Variants in PGS1 observed in about 807,000 individuals in gnomAD.
The protein encoded by PGS1 is CDP-diacylglycerol--glycerol-3-phosphate 3-phosphatidyltransferase, mitochondrial.
A neutral mutation model predicts 58.3 loss-of-function variants in PGS1; 44 were observed. The ratio of observed to expected loss-of-function variants is 0.75; its 90% confidence interval spans 0.59 to 0.97. PGS1 has a LOEUF of 0.97. PGS1 is among the 50% of genes least tolerant of loss of function. PGS1 has a pLI of 0.00. For missense variants in PGS1, 684 were observed against 731.1 expected (o/e 0.94, Z 0.74); for synonymous variants, 330 against 311.0 (o/e 1.06, Z -0.64).
At chr17:78,398,884 A>G (rs1598305265) in intron 4 of PGS1, among the ~76,000 whole-genome samples, 1 of 152,124 alleles carries the variant, frequency 6.6e-6, no homozygotes, top group African/African-American at 2.4e-5. Flanking sequence ...GTCTGATTCC[A>G]TGAGAATCGG....
At chr17:78,391,148 A>G (rs1308188734) in intron 1 of PGS1, among the ~76,000 whole-genome samples, 2 of 152,084 alleles carry the variant, frequency 1.3e-5, no homozygotes, top group Non-Finnish European at 2.9e-5. Context: ...GGGTTTCACC[A>G]TGTTGGCTAG....
intron 3 of PGS1, 63 bp from the exon 4 acceptor site, chr17:78,398,189 T>A (rs2083388570): frequency 6.4e-6 from 8 of 1,259,168 alleles, no homozygotes; most frequent in Non-Finnish European, 9.3e-6. Flanking sequence ...GGCGATTTGT[T>A]TTTCTTTAAA....
intron 2 of PGS1, among the ~76,000 whole-genome samples, chr17:78,396,065 G>T: frequency 6.6e-6 from 1 of 152,228 alleles, no homozygotes. Flanking sequence ...TAATGGCCGT[G>T]TTGCATTTTA....
intron 1 of PGS1, among the ~76,000 whole-genome samples, chr17:78,390,364 G>GC (rs2082738052): frequency 6.6e-6 from 1 of 151,940 alleles, no homozygotes; most frequent in African/African-American, 2.4e-5. Flanking sequence ...GCACTGGGTG[G>GC]CCACGGCCAG....
chr17:78,423,896 C>T, intron 9 of PGS1, 165 bp from the exon 10 acceptor site: 1 of 1,613,518 alleles, frequency 6.2e-7, no homozygotes, highest in Non-Finnish European at 8.5e-7. Flanking sequence ...GGCTGTGAGG[C>T]AGGAGCGAGC....
chr17:78,389,034 G>A (rs531810212), intron 1 of PGS1, among the ~76,000 whole-genome samples: 15 of 149,086 alleles, frequency 1.0e-4, no homozygotes, highest in African/African-American at 3.7e-4. Flanking sequence ...TATGTGCCAA[G>A]GAGTGTTTCC....
chr17:78,399,601 A>AG, intron 5 of PGS1, 64 bp downstream of exon 5: 1 of 1,535,282 alleles, frequency 6.5e-7, no homozygotes, highest in Non-Finnish European at 9.0e-7. Flanking sequence ...GCAGTGGAAT[A>AG]GGAACAGTGG....
chr17:78,385,723 C>G (rs890378764), intron 1 of PGS1, among the ~76,000 whole-genome samples: 8 of 152,224 alleles, frequency 5.3e-5, no homozygotes, highest in Non-Finnish European at 1.2e-4. Flanking sequence ...TGCCCGGCCC[C>G]CGGGTTTCTT....
chr17:78,383,318 C>T (rs2082163979), intron 1 of PGS1, among the ~76,000 whole-genome samples: 1 of 151,994 alleles, frequency 6.6e-6, no homozygotes, highest in South Asian at 2.1e-4. Context: ...CCTCTGCCTC[C>T]TGGCTTCAAG....
intron 1 of PGS1, among the ~76,000 whole-genome samples, chr17:78,381,814 T>C (rs1369806268): frequency 1.3e-5 from 2 of 152,220 alleles, no homozygotes; most frequent in Non-Finnish European, 2.9e-5. Flanking sequence ...TTACTTCTGT[T>C]AATGATTTAG....
chr17:78,384,139 C>G (rs1237392974), intron 1 of PGS1, among the ~76,000 whole-genome samples: 1 of 152,208 alleles, frequency 6.6e-6, no homozygotes, highest in Non-Finnish European at 1.5e-5. Context: ...ATGTAATCGA[C>G]TTCCTTTTGG....
At chr17:78,395,611 T>A (rs2083173880) in intron 2 of PGS1, among the ~76,000 whole-genome samples, 2 of 152,186 alleles carry the variant, frequency 1.3e-5, no homozygotes, top group Non-Finnish European at 2.9e-5. Flanking sequence ...CCCTGGCTGT[T>A]AGGACTGATT....
intron 1 of PGS1, among the ~76,000 whole-genome samples, chr17:78,381,338 A>G (rs1567929086): frequency 6.6e-6 from 1 of 152,190 alleles, no homozygotes; most frequent in Non-Finnish European, 1.5e-5. Context: ...GGGCATTAAG[A>G]CAGAAGTTTT....
intron 1 of PGS1, among the ~76,000 whole-genome samples, chr17:78,391,881 C>G (rs768781645): frequency 2.0e-5 from 3 of 152,200 alleles, no homozygotes; most frequent in Non-Finnish European, 2.9e-5. Context: ...GCCTTGGCCT[C>G]CCAAAGTGCT....
intron 1 of PGS1, among the ~76,000 whole-genome samples, chr17:78,391,140 G>C (rs1270630934): frequency 6.6e-6 from 1 of 152,090 alleles, no homozygotes; most frequent in African/African-American, 2.4e-5. Flanking sequence ...TAGAGATGGG[G>C]TTTCACCATG....
chr17:78,379,093 C>G (rs1445699881), intron 1 of PGS1, among the ~76,000 whole-genome samples: 2 of 152,322 alleles, frequency 1.3e-5, no homozygotes, highest in African/African-American at 4.8e-5. Context: ...TGCTTGTTGG[C>G]GAGCCCCGGC....
At position 78,399,356 on chromosome 17, in the gene PGS1, A is replaced by G. The variant is rs1354052308; in HGVS notation, c.520A>G (p.Asn174Asp). The change falls in exon 5 of 10, where the codon AAC becomes GAC. Residue 174 changes from asparagine (N) to aspartate (D), a missense_variant. Asn to Asp is a conservative substitution (Grantham distance 23). Coordinates refer to ENST00000262764, the MANE Select transcript of PGS1 (RefSeq NM_024419.5). Reference protein sequence around the residue: ...DFTRGSRGRKNSRTMLLPLLR... With the variant: ...DFTRGSRGRKDSRTMLLPLLR... ...TCTCTGTCCGTGTTCAGGCCGGAAGAACTCCCGCACAATGCTGCTCCCACT... is the reference window on the plus strand; with the variant it reads ...TCTCTGTCCGTGTTCAGGCCGGAAGGACTCCCGCACAATGCTGCTCCCACT... 6.2e-7 allele frequency: 1 copy of G among 1,613,792 alleles called. No individual in the cohort carries two copies.
At chr17:78,408,072 A>G (rs1435262110) in intron 7 of PGS1, among the ~76,000 whole-genome samples, 1 of 151,818 alleles carries the variant, frequency 6.6e-6, no homozygotes, top group Non-Finnish European at 1.5e-5. Flanking sequence ...CCTCTTTTGC[A>G]TACTATGCTG....
chr17:78,379,165 T>C (rs1444471308), intron 1 of PGS1, among the ~76,000 whole-genome samples: 1 of 152,150 alleles, frequency 6.6e-6, no homozygotes, highest in Non-Finnish European at 1.5e-5. Context: ...TCGGTCAAGC[T>C]CCAGAGGCTG....
Sources: gnomAD v4.1 joint callset for allele counts (sites outside exome capture counted in the v4.1 genomes callset) on GRCh38, gnomAD v4.1.1 for gene constraint, MANE v1.5 for transcripts, NCBI Gene and HGNC (gene_info 2026-07-23, HGNC 2026-07-21) for gene names.